The following ADGRB3 variants were observed in gnomAD, a reference collection of about 807,000 sequenced individuals.
ADGRB3 encodes brain-specific angiogenesis inhibitor 3.
Under a neutral mutation model 193.4 loss-of-function variants are expected in ADGRB3, and 37 were observed. The ratio of observed to expected loss-of-function variants is 0.19; its 90% CI spans 0.15 to 0.25. The LOEUF (loss-of-function observed/expected upper bound fraction) is 0.25. ADGRB3 is among the 10% of genes least tolerant of loss of function. ADGRB3 has a pLI of 1.00. For missense variants in ADGRB3, 1,637 were observed against 1,852.9 expected (o/e 0.88, Z 2.14); for synonymous variants, 690 against 644.2 (o/e 1.07, Z -1.08).
rs1416635417 is a variant in ADGRB3, at chr6:69,314,753, T to G, written c.2815-10119T>G. On this transcript the variant is annotated intron_variant, in intron 20 of 31. Coordinates refer to ENST00000370598, the MANE Select transcript of ADGRB3 (RefSeq NM_001704.3). ...TTTACAAATGACACTGCTGTCAATG[T>G]AGCATGTCATAGCAGCTGTGGAAAA... Among the ~76,000 whole-genome samples, 5 of 151,696 alleles carry G rather than the reference T, an allele frequency of 3.3e-5. No homozygotes were observed. In the South Asian group the frequency reaches 1.0e-3, roughly 31 times the overall value.
At chr6:68,779,664 A>G (rs1766817551) in intron 3 of ADGRB3, among the ~76,000 whole-genome samples, 1 of 152,076 alleles carries the variant, frequency 6.6e-6, no homozygotes, top group Non-Finnish European at 1.5e-5. Context: ...AATCTAGGCT[A>G]ATCACAGACA....
At chr6:69,149,247 C>T (rs963413756) in intron 17 of ADGRB3, among the ~76,000 whole-genome samples, 6 of 151,676 alleles carry the variant, frequency 4.0e-5, no homozygotes, top group Admixed American at 3.9e-4. Flanking sequence ...CTTTTATTTC[C>T]TCTGACTGTG....
chr6:68,875,740 T>C (rs1039868529), intron 3 of ADGRB3, among the ~76,000 whole-genome samples: 3 of 151,986 alleles, frequency 2.0e-5, no homozygotes, highest in Non-Finnish European at 4.4e-5. Context: ...ATAAAAAAAA[T>C]AAAAACAAAT....
At chr6:68,826,710 A>G (rs1767850915) in intron 3 of ADGRB3, among the ~76,000 whole-genome samples, 1 of 152,206 alleles carries the variant, frequency 6.6e-6, no homozygotes, top group Admixed American at 6.5e-5. Flanking sequence ...CATCAGAACA[A>G]TAGCAGTGGA....
At chr6:68,668,475 A>C (rs73461958) in intron 3 of ADGRB3, among the ~76,000 whole-genome samples, 1,785 of 152,044 alleles carry the variant, frequency 0.012, 37 homozygotes, top group African/African-American at 0.039. Flanking sequence ...AATTGTATTC[A>C]TTTTTATGGA....
chr6:68,945,809 G>T (rs1041593453), intron 6 of ADGRB3, among the ~76,000 whole-genome samples: 2 of 152,080 alleles, frequency 1.3e-5, no homozygotes, highest in Non-Finnish European at 1.5e-5. Flanking sequence ...TTACAGTTCA[G>T]ATGTGAAAAC....
chr6:69,249,352 A>G (rs1041777910), intron 20 of ADGRB3, among the ~76,000 whole-genome samples: 8 of 152,180 alleles, frequency 5.3e-5, no homozygotes, highest in African/African-American at 1.9e-4. Flanking sequence ...ACCAGTGTAT[A>G]AAACTATGGA....
chr6:68,688,641 A>G (rs1304486333), intron 3 of ADGRB3, among the ~76,000 whole-genome samples: 2 of 152,204 alleles, frequency 1.3e-5, no homozygotes, highest in African/African-American at 4.8e-5. Flanking sequence ...TAACTGAAAT[A>G]TCTCATTTGT....
At chr6:69,303,205 C>T (rs1310092446) in intron 20 of ADGRB3, among the ~76,000 whole-genome samples, 1 of 151,100 alleles carries the variant, frequency 6.6e-6, no homozygotes, top group East Asian at 1.9e-4. Flanking sequence ...AACATGGATC[C>T]TTATATGAGA....
chr6:68,889,890 C>G (rs1380032818), intron 3 of ADGRB3, among the ~76,000 whole-genome samples: 2 of 151,894 alleles, frequency 1.3e-5, no homozygotes, highest in African/African-American at 4.8e-5. Context: ...TTGTGAAGTA[C>G]AACTTTCATA....
chr6:69,232,058 A>G (rs551376522), intron 17 of ADGRB3, among the ~76,000 whole-genome samples: 53 of 152,330 alleles, frequency 3.5e-4, no homozygotes, highest in African/African-American at 1.3e-3. Context: ...AAAGCACCAT[A>G]TCAAAATTAA....
chr6:69,149,924 CTGTGTGTGTGTGTGTGTGTGTGTG>C (rs1167142377), intron 17 of ADGRB3, among the ~76,000 whole-genome samples: 7 of 128,886 alleles, frequency 5.4e-5, no homozygotes, highest in Non-Finnish European at 8.2e-5. Flanking sequence ...GTCTGTCTTT[CTGTGTGTGTGTGTGTGTGTGTGTG>C]TGTGTGTGTG....
intron 17 of ADGRB3, among the ~76,000 whole-genome samples, chr6:69,205,763 C>CTTTCT (rs1427225099): frequency 2.6e-5 from 4 of 151,792 alleles, no homozygotes; most frequent in Admixed American, 2.6e-4. Flanking sequence ...GAGGGCAGAA[C>CTTTCT]CCTCATGACT....
intron 13 of ADGRB3, among the ~76,000 whole-genome samples, chr6:69,040,331 TTCTTTC>T (rs1284006857): frequency 4.3e-5 from 2 of 46,112 alleles, no homozygotes; most frequent in Non-Finnish European, 9.0e-5. Flanking sequence ...CTTTCTTTCT[TTCTTTC>T]TTTCTTTCTT....
chr6:68,999,724 C>G (rs948257420), intron 11 of ADGRB3, among the ~76,000 whole-genome samples: 1 of 152,126 alleles, frequency 6.6e-6, no homozygotes, highest in Non-Finnish European at 1.5e-5. Flanking sequence ...TACTACAGAA[C>G]TTTCACACAC....
chr6:68,985,811 T>C, intron 10 of ADGRB3, among the ~76,000 whole-genome samples: 1 of 152,090 alleles, frequency 6.6e-6, no homozygotes, highest in East Asian at 1.9e-4. Context: ...ACCAGAAAAG[T>C]CAAGTAATGG....
chr6:68,658,453 T>G (rs890083750), intron 3 of ADGRB3, among the ~76,000 whole-genome samples: 1 of 151,224 alleles, frequency 6.6e-6, no homozygotes, highest in Non-Finnish European at 1.5e-5. Context: ...ACCTAGTGTT[T>G]TCCAAGCTAT....
At chr6:68,798,205 A>C (rs544222990) in intron 3 of ADGRB3, among the ~76,000 whole-genome samples, 13 of 152,368 alleles carry the variant, frequency 8.5e-5, no homozygotes, top group Admixed American at 7.8e-4. Context: ...ACTAGCCTAT[A>C]TGTAACATAG....
At chr6:68,996,057 C>A (rs937297149) in intron 11 of ADGRB3, among the ~76,000 whole-genome samples, 2 of 152,110 alleles carry the variant, frequency 1.3e-5, no homozygotes, top group Non-Finnish European at 2.9e-5. Context: ...GGGCTCTGGG[C>A]ATTTCTAATT....
Sources: allele counts gnomAD v4.1 joint callset (sites outside exome capture counted in the v4.1 genomes callset), GRCh38; gene constraint gnomAD v4.1.1; transcripts MANE v1.5; gene names NCBI Gene and HGNC (gene_info 2026-07-23, HGNC 2026-07-21).